Variants in L3MBTL4 observed in about 807,000 individuals in gnomAD.
L3MBTL4 encodes lethal(3)malignant brain tumor-like protein 4.
L3MBTL4 carries 70 observed loss-of-function variants against 84.5 expected under a neutral mutation model. That is an observed-to-expected ratio of 0.83 (90% CI 0.68 to 1.01). The LOEUF (loss-of-function observed/expected upper bound fraction) is 1.01. L3MBTL4 is among the 50% of genes least tolerant of loss of function. L3MBTL4 has a pLI of 0.00. For synonymous variants in L3MBTL4, 274 were observed against 259.8 expected, an observed-to-expected ratio of 1.05 and a Z score of -0.52; for missense variants, 715 against 754.8, an observed-to-expected ratio of 0.95 and a Z score of 0.62.
chr18:6,326,027 A>ATGCACTGC (rs1444040105), intron 1 of L3MBTL4, among the ~76,000 whole-genome samples: 2 of 152,184 alleles, frequency 1.3e-5, no homozygotes, highest in African/African-American at 4.8e-5. Flanking sequence ...GATAGGGTGC[A>ATGCACTGC]TGCACTGCTC....
chr18:6,318,817 T>C (rs1394535736), intron 1 of L3MBTL4, among the ~76,000 whole-genome samples: 1 of 152,082 alleles, frequency 6.6e-6, no homozygotes, highest in Non-Finnish European at 1.5e-5. Context: ...ACCGAAGAAC[T>C]GCAGAATATA....
chr18:6,315,830 C>G (rs1237821294), intron 1 of L3MBTL4, among the ~76,000 whole-genome samples: 1 of 152,170 alleles, frequency 6.6e-6, no homozygotes. Flanking sequence ...TGGCAGCCAC[C>G]TACTCTCATT....
At chr18:6,048,507 A>G (rs2056719564) in intron 16 of L3MBTL4, among the ~76,000 whole-genome samples, 1 of 152,206 alleles carries the variant, frequency 6.6e-6, no homozygotes. Context: ...AGTAATCAGA[A>G]TAGCATTGGC....
chr18:6,184,438 T>C (rs1033353122), intron 12 of L3MBTL4, among the ~76,000 whole-genome samples: 1 of 152,228 alleles, frequency 6.6e-6, no homozygotes, highest in African/African-American at 2.4e-5. Context: ...ATTCAAATTA[T>C]ATAAACACTA....
At chr18:6,313,277 C>G (rs987807998) in intron 1 of L3MBTL4, among the ~76,000 whole-genome samples, 8 of 152,180 alleles carry the variant, frequency 5.3e-5, no homozygotes, top group South Asian at 2.1e-4. Flanking sequence ...TACAGAGAAG[C>G]CTCAAGCCCT....
At chr18:6,090,593 T>TACAC (rs71163260) in intron 15 of L3MBTL4, among the ~76,000 whole-genome samples, 981 of 86,738 alleles carry the variant, frequency 0.011, 9 homozygotes, top group African/African-American at 0.032. Context: ...ATTATATATA[T>TACAC]ACACACACAC....
intron 16 of L3MBTL4, among the ~76,000 whole-genome samples, chr18:6,027,692 G>C (rs1410440081): frequency 6.6e-6 from 1 of 152,164 alleles, no homozygotes; most frequent in East Asian, 1.9e-4. Flanking sequence ...AGCCTCTTCA[G>C]CATCTGTTGT....
chr18:6,071,883 GAAGA>G (rs955635840), intron 16 of L3MBTL4, among the ~76,000 whole-genome samples: 3 of 151,350 alleles, frequency 2.0e-5, no homozygotes, highest in Non-Finnish European at 4.4e-5. Flanking sequence ...AGGAAGGAAG[GAAGA>G]AAGATTGTTA....
intron 1 of L3MBTL4, among the ~76,000 whole-genome samples, chr18:6,377,550 C>T (rs574396062): frequency 3.3e-5 from 5 of 152,142 alleles, no homozygotes; most frequent in African/African-American, 4.8e-5. Flanking sequence ...TCAACTCCCA[C>T]TTATGAATGA....
At chr18:5,970,301 T>G (rs1285877191) in intron 16 of L3MBTL4, among the ~76,000 whole-genome samples, 1 of 152,226 alleles carries the variant, frequency 6.6e-6, no homozygotes, top group African/African-American at 2.4e-5. Context: ...CAAAGGACAA[T>G]GGCTGTTTGT....
At chr18:6,297,250 T>C (rs1253025493) in intron 4 of L3MBTL4, among the ~76,000 whole-genome samples, 1 of 152,208 alleles carries the variant, frequency 6.6e-6, no homozygotes, top group Non-Finnish European at 1.5e-5. Context: ...TGGCGACTTC[T>C]GGACATGAGA....
At chr18:6,098,232 CAGG>C (rs1366210310) in intron 14 of L3MBTL4, among the ~76,000 whole-genome samples, 1 of 152,162 alleles carries the variant, frequency 6.6e-6, no homozygotes, top group Admixed American at 6.5e-5. Context: ...CAGTTCACAG[CAGG>C]AGGTTATAAC....
chr18:6,181,840 C>T (rs542931343), intron 12 of L3MBTL4, among the ~76,000 whole-genome samples: 15 of 152,296 alleles, frequency 9.8e-5, no homozygotes, highest in African/African-American at 3.1e-4. Context: ...AGGACATGAT[C>T]TCCTTCTTTT....
intron 13 of L3MBTL4, among the ~76,000 whole-genome samples, chr18:6,156,445 A>T (rs1039917979): frequency 6.7e-6 from 1 of 148,318 alleles, no homozygotes; most frequent in Non-Finnish European, 1.5e-5. Context: ...TTGATTGCTC[A>T]ACTGCTCAAG....
chr18:6,206,668 T>C (rs1168974917), intron 12 of L3MBTL4, among the ~76,000 whole-genome samples: 5 of 152,190 alleles, frequency 3.3e-5, no homozygotes, highest in African/African-American at 1.2e-4. Flanking sequence ...AGTGAGAGAC[T>C]ATACATCCTT....
In L3MBTL4 at chr18:6,093,359, G is replaced by C; in HGVS notation, c.1369C>G (p.Pro457Ala). ...CATTTTTAAGAAGTTTCTTACCTGG[G>C]CTGACTGTTCACCTTTTCATGTTTT... ...NGKHEKVNSQPRLVQQAKCLK... is the reference protein window; with the variant it reads ...NGKHEKVNSQARLVQQAKCLK... The change falls in exon 15 of 19, where the codon CCC becomes GCC. Residue 457 changes from proline (P) to alanine (A), a missense_variant. Coordinates refer to ENST00000317931, the MANE Select transcript of L3MBTL4 (RefSeq NM_001330559.2). 3 of 1,604,286 alleles carry C rather than the reference G, an allele frequency of 1.9e-6. No individual in the cohort carries two copies. The South Asian group carries it at 3.4e-5, about 18-fold the overall frequency.
chr18:6,046,407 C>A (rs540783689), intron 16 of L3MBTL4, among the ~76,000 whole-genome samples: 93 of 152,236 alleles, frequency 6.1e-4, no homozygotes, highest in African/African-American at 2.2e-3. Context: ...CCAAGTAGAC[C>A]TAATAGGCAT....
chr18:6,088,550 G>A (rs898474988), intron 15 of L3MBTL4, among the ~76,000 whole-genome samples: 2 of 142,584 alleles, frequency 1.4e-5, no homozygotes, highest in Non-Finnish European at 3.1e-5. Flanking sequence ...CACTGCAGGC[G>A]ATGATGGGGA....
At chr18:6,209,196 A>C (rs1219705264) in intron 12 of L3MBTL4, among the ~76,000 whole-genome samples, 1 of 152,176 alleles carries the variant, frequency 6.6e-6, no homozygotes, top group African/African-American at 2.4e-5. Context: ...ATCTACCTAA[A>C]AGAGTTGATG....
Sources: gnomAD v4.1 joint callset for allele counts (sites outside exome capture counted in the v4.1 genomes callset) on GRCh38, gnomAD v4.1.1 for gene constraint, MANE v1.5 for transcripts, NCBI Gene and HGNC (gene_info 2026-07-23, HGNC 2026-07-21) for gene names.